The following PANX1 variants were observed in gnomAD, a reference collection of about 807,000 sequenced individuals.
The protein encoded by PANX1 is pannexin 1.
PANX1 carries 30 observed loss-of-function variants against 38.7 expected under a neutral mutation model. That is an observed-to-expected ratio of 0.78 (90% CI 0.58 to 1.05). The LOEUF is 1.05. Ranked by LOEUF, PANX1 falls within the 50% of genes least tolerant of loss-of-function variation. The pLI is 0.00. For synonymous variants in PANX1, 230 were observed against 212.2 expected (o/e 1.08, Z -0.73); for missense variants, 551 against 517.2 (o/e 1.07, Z -0.63).
chr11:94,178,081 A>AT (rs1233214490), intron 2 of PANX1, among the ~76,000 whole-genome samples: 1 of 152,126 alleles, frequency 6.6e-6, no homozygotes, highest in Non-Finnish European at 1.5e-5. Flanking sequence ...GAGTAATTTT[A>AT]TTTTTTTATT....
chr11:94,168,826 C>T (rs1947131598), intron 2 of PANX1, among the ~76,000 whole-genome samples: 1 of 151,572 alleles, frequency 6.6e-6, no homozygotes, highest in African/African-American at 2.4e-5. Flanking sequence ...GTGGGAAGTG[C>T]ATCTTTTCTA....
chr11:94,147,597 C>T (rs956238331), intron 1 of PANX1, among the ~76,000 whole-genome samples: 14 of 152,176 alleles, frequency 9.2e-5, no homozygotes, highest in Admixed American at 3.9e-4. Flanking sequence ...GCCTCCTTCT[C>T]GTTTCTGTTG....
chr11:94,153,076 A>C (rs1946902195), intron 1 of PANX1, among the ~76,000 whole-genome samples: 1 of 152,100 alleles, frequency 6.6e-6, no homozygotes, highest in Non-Finnish European at 1.5e-5. Context: ...GTTCTAAAAG[A>C]ACTTGTTTTT....
chr11:94,162,537 C>T (rs544863550), intron 2 of PANX1, among the ~76,000 whole-genome samples: 1 of 152,344 alleles, frequency 6.6e-6, no homozygotes, highest in South Asian at 2.1e-4. Flanking sequence ...ATATAATCTT[C>T]TGGTGTGCCA....
At chr11:94,162,522 G>A (rs368179383) in intron 2 of PANX1, among the ~76,000 whole-genome samples, 13 of 152,328 alleles carry the variant, frequency 8.5e-5, no homozygotes, top group South Asian at 2.1e-4. Flanking sequence ...CGAGCCAGGC[G>A]CTGGATATAA....
intron 1 of PANX1, among the ~76,000 whole-genome samples, chr11:94,135,662 G>T: frequency 6.6e-6 from 1 of 152,202 alleles, no homozygotes; most frequent in East Asian, 1.9e-4. Flanking sequence ...AGAGTCTACT[G>T]TTGGATACAT....
In PANX1 at chr11:94,165,751, A is replaced by C. The variant is rs149616124; in HGVS notation, c.321+12121A>C. Among the ~76,000 whole-genome samples, 1,355 of 152,196 alleles carry C rather than the reference A, an allele frequency of 8.9e-3. 12 individuals are homozygous for C. Among genetic ancestry groups the C allele is most frequent in the Middle Eastern group, 0.017 (5 of 292 alleles). ...CATGGAGAAACCCTGTCCCTTCTAC[A>C]CATACAAAATTAGCCAGGCATGGTG... On this transcript the variant is annotated intron_variant, in intron 2 of 4. Coordinates refer to ENST00000227638, the MANE Select transcript of PANX1 (RefSeq NM_015368.4).
chr11:94,129,489 G>C lies in PANX1; in HGVS notation c.177G>C (p.Ser59=). Residue 59 remains serine (S), a synonymous_variant, in exon 1 of 5, where the codon TCG becomes TCC. Coordinates refer to ENST00000227638, the MANE Select transcript of PANX1 (RefSeq NM_015368.4). ...CGCTGGCCTTCGCGCAGGAGATCTCGATTGGTAAGCCTCGCCCAGGACGGA... is the reference window on the plus strand; with the variant it reads ...CGCTGGCCTTCGCGCAGGAGATCTCCATTGGTAAGCCTCGCCCAGGACGGA... The part of the protein sequence containing the change: ...LISLAFAQEI[S]IGTQISCFSP... The C allele has an allele frequency of 6.2e-7, 1 of 1,608,446 alleles. No individual in the cohort carries two copies. Among genetic ancestry groups the C allele is most frequent in the African/African-American group, 1.3e-5 (1 of 74,842 alleles).
chr11:94,162,385 C>T (rs1468236203), intron 2 of PANX1, among the ~76,000 whole-genome samples: 1 of 152,220 alleles, frequency 6.6e-6, no homozygotes, highest in Non-Finnish European at 1.5e-5. Flanking sequence ...AGTTTCCTGG[C>T]CACTTTGTTT....
Position 94,148,947 on chromosome 11 carries a change from TAGAG to T in PANX1, c.182-4539_182-4536del, listed in dbSNP as rs575790931. 1.8e-4 allele frequency among the ~76,000 whole-genome samples: 27 copies of T among 152,164 alleles called. No homozygotes were observed. In the South Asian group the frequency reaches 5.4e-3, roughly 30 times the overall value. On this transcript the variant is annotated intron_variant, in intron 1 of 4. Transcript: ENST00000227638. ...CCTCCTCTTTCTTGTGTTTAAAAGG[TAGAG>T]AGAGCTGAGTTGATATCCCAGCTTC...
At chr11:94,178,754 T>C (rs1947266782) in intron 3 of PANX1, among the ~76,000 whole-genome samples, 162 bp downstream of exon 3, 1 of 152,104 alleles carries the variant, frequency 6.6e-6, no homozygotes. Context: ...TCCCGGGATG[T>C]CCACTCTCCC....
chr11:94,149,549 A>G (rs1259924546), intron 1 of PANX1, among the ~76,000 whole-genome samples: 2 of 152,222 alleles, frequency 1.3e-5, no homozygotes, highest in African/African-American at 4.8e-5. Flanking sequence ...GACGTACATA[A>G]ATGTAAAGCC....
intron 2 of PANX1, among the ~76,000 whole-genome samples, chr11:94,155,406 C>T (rs908549663): frequency 7.3e-5 from 11 of 150,654 alleles, no homozygotes; most frequent in Admixed American, 1.3e-4. Flanking sequence ...CTCAGTTACT[C>T]GGGAGGCTGA....
At chr11:94,163,773 C>T (rs1042113450) in intron 2 of PANX1, among the ~76,000 whole-genome samples, 2 of 152,134 alleles carry the variant, frequency 1.3e-5, no homozygotes, top group African/African-American at 2.4e-5. Flanking sequence ...TTATTCCCTC[C>T]TCAGTTTTTT....
intron 1 of PANX1, among the ~76,000 whole-genome samples, chr11:94,134,872 A>G (rs1345276402): frequency 2.6e-5 from 4 of 152,296 alleles, no homozygotes; most frequent in Admixed American, 2.0e-4. Context: ...CTGTGAGAAA[A>G]TAACTGTTGT....
At chr11:94,157,368 TC>T (rs1258227630) in intron 2 of PANX1, among the ~76,000 whole-genome samples, 3 of 152,320 alleles carry the variant, frequency 2.0e-5, no homozygotes, top group African/African-American at 7.2e-5. Flanking sequence ...GTAAAAGTGT[TC>T]CTATTCCTCC....
chr11:94,137,220 C>CG (rs1236707193), intron 1 of PANX1, among the ~76,000 whole-genome samples: 1 of 152,138 alleles, frequency 6.6e-6, no homozygotes, highest in Non-Finnish European at 1.5e-5. Context: ...AGGAGAATCG[C>CG]TTGAACGCGG....
At chr11:94,130,751 A>T (rs1439470256) in intron 1 of PANX1, among the ~76,000 whole-genome samples, 1 of 151,840 alleles carries the variant, frequency 6.6e-6, no homozygotes, top group Non-Finnish European at 1.5e-5. Flanking sequence ...CATGAACGGC[A>T]GTACTGGTCA....
intron 2 of PANX1, among the ~76,000 whole-genome samples, chr11:94,172,190 A>G (rs1947177594): frequency 6.6e-6 from 1 of 151,590 alleles, no homozygotes; most frequent in Admixed American, 6.5e-5. Flanking sequence ...GAGGCCATCT[A>G]GGCCATTAGG....
Sources: allele counts gnomAD v4.1 joint callset (sites outside exome capture counted in the v4.1 genomes callset), GRCh38; gene constraint gnomAD v4.1.1; transcripts MANE v1.5; gene names NCBI Gene and HGNC (gene_info 2026-07-23, HGNC 2026-07-21).